Variants in PALLD observed in about 807,000 individuals in gnomAD.
PALLD encodes the protein palladin, cytoskeletal associated protein, also known as palladin.
PALLD carries 61 observed loss-of-function variants against 123.5 expected under a neutral mutation model. That is an observed-to-expected ratio of 0.49 (90% CI 0.40 to 0.61). PALLD has a LOEUF of 0.61. PALLD is among the 20% of genes least tolerant of loss of function. PALLD has a pLI of 0.00. For synonymous variants in PALLD, 465 were observed against 496.4 expected (o/e 0.94, Z 0.84); for missense variants, 1,273 against 1,377.0 (o/e 0.92, Z 1.20).
chr4:168,733,972 T>C (rs929084907), intron 10 of PALLD, among the ~76,000 whole-genome samples: 2 of 152,204 alleles, frequency 1.3e-5, no homozygotes, highest in Admixed American at 6.5e-5. Flanking sequence ...CCTGACCTCG[T>C]GATCTGCCCG....
intron 2 of PALLD, among the ~76,000 whole-genome samples, chr4:168,663,079 C>G (rs1035123661): frequency 1.3e-5 from 2 of 152,238 alleles, no homozygotes; most frequent in African/African-American, 2.4e-5. Flanking sequence ...ACTATTTGTT[C>G]AGTCCTTTCT....
rs1039250303 is a variant in PALLD at position 168,793,129 on chromosome 4, A to G, written c.1964+81206A>G. 3.0e-4 allele frequency among the ~76,000 whole-genome samples: 42 copies of G among 138,386 alleles called. 1 individual carries two copies. The highest frequency in any genetic ancestry group is 2.0e-4 in the Non-Finnish European group (13 of 63,650). The allele number at this position is 138,386 out of a possible 152,430, so 90.8% of individuals were successfully genotyped here. On this transcript the variant is annotated intron_variant, in intron 10 of 21. Coordinates refer to ENST00000505667, the MANE Select transcript of PALLD (RefSeq NM_001166108.2). ...CTACATATTTTATATATGTGTGTGC[A>G]TATATATACATATATATGTGTGCAT... is the stretch of plus-strand genomic sequence containing the variant.
intron 1 of PALLD, 143 bp from the exon 2 acceptor site, chr4:168,511,280 C>T (rs1762507390): frequency 1.8e-6 from 1 of 542,472 alleles, no homozygotes; most frequent in Admixed American, 3.2e-5. Flanking sequence ...CACAAGTATA[C>T]TTGATATTTC....
At chr4:168,693,485 A>G (rs991287157) in intron 8 of PALLD, among the ~76,000 whole-genome samples, 1 of 152,228 alleles carries the variant, frequency 6.6e-6, no homozygotes, top group Non-Finnish European at 1.5e-5. Context: ...AAGATATGGA[A>G]GGCCTTCCTT....
At chr4:168,681,419 C>G (rs1350502789) in intron 4 of PALLD, 21 bp downstream of exon 4, 1 of 1,478,012 alleles carries the variant, frequency 6.8e-7, no homozygotes, top group Non-Finnish European at 9.5e-7. Context: ...ACAATTCCAT[C>G]GATTATGTGG....
chr4:168,915,625 AAT>A (rs1195950161), intron 16 of PALLD, among the ~76,000 whole-genome samples: 5 of 152,196 alleles, frequency 3.3e-5, no homozygotes, highest in Non-Finnish European at 2.9e-5. Flanking sequence ...ATTTAGGAAA[AAT>A]ATGTTAATAT....
At chr4:168,832,765 G>C (rs927715321) in intron 10 of PALLD, 1 of 152,194 alleles carries the variant, frequency 6.6e-6, no homozygotes, top group African/African-American at 2.4e-5. Context: ...AAGTTTGCGC[G>C]TAACTCGGGG....
chr4:168,907,639 T>C (rs1227336293), intron 15 of PALLD, among the ~76,000 whole-genome samples: 1 of 152,132 alleles, frequency 6.6e-6, no homozygotes, highest in East Asian at 1.9e-4. Context: ...TTACTGCCCT[T>C]ATTCCAGGCC....
chr4:168,662,780 T>G (rs1779247382), intron 2 of PALLD, among the ~76,000 whole-genome samples: 1 of 152,232 alleles, frequency 6.6e-6, no homozygotes, highest in Non-Finnish European at 1.5e-5. Flanking sequence ...AATTATGACC[T>G]TTGAGAAACT....
intron 2 of PALLD, among the ~76,000 whole-genome samples, chr4:168,519,904 CTT>C (rs33986145): frequency 0.74 from 111,332 of 150,888 alleles, 41,158 homozygotes; most frequent in East Asian, 0.86. Context: ...CATTTTAAAT[CTT>C]TTTTTTTTTC....
rs78978372 is a variant in PALLD, at chr4:168,730,017, T to C, written c.1964+18094T>C. The stretch of plus-strand genomic sequence containing the variant: ...AGTACTTTGAAATGTTGTGATGATA[T>C]GTAATATTTTTCAGAAATTATAGAA... On this transcript the variant is annotated intron_variant, in intron 10 of 21. Transcript: ENST00000505667. Among the ~76,000 whole-genome samples, 463 of 152,370 alleles carry C rather than the reference T, an allele frequency of 3.0e-3. 1 individual carries two copies. The highest frequency in any genetic ancestry group is 5.3e-3 in the Non-Finnish European group (359 of 68,040).
rs112838948 is a variant in PALLD, at chr4:168,632,336, C to T, written c.909-35854C>T. Among the ~76,000 whole-genome samples, 37 of 152,266 alleles carry T rather than the reference C, an allele frequency of 2.4e-4. 2 individuals carry two copies. The highest frequency in any genetic ancestry group is 7.9e-4 in the African/African-American group (33 of 41,552). On this transcript the variant is annotated intron_variant, in intron 2 of 21. Transcript: ENST00000505667. ...CATCCTCGGTTGAAATAGAAGGAAACTTTCACAAAGCAATCAATTTCTGAC... is the reference window on the plus strand; with the variant it reads ...CATCCTCGGTTGAAATAGAAGGAAATTTTCACAAAGCAATCAATTTCTGAC...
intron 10 of PALLD, among the ~76,000 whole-genome samples, chr4:168,843,293 T>C (rs1352240675): frequency 6.6e-6 from 1 of 152,210 alleles, no homozygotes; most frequent in African/African-American, 2.4e-5. Flanking sequence ...AGAAGAAAGT[T>C]TGGCTTGCAA....
chr4:168,611,776 C>A (rs1255566167), intron 2 of PALLD, among the ~76,000 whole-genome samples: 1 of 152,166 alleles, frequency 6.6e-6, no homozygotes, highest in Non-Finnish European at 1.5e-5. Flanking sequence ...ATGTTTCTCA[C>A]CAGCAGTCTT....
chr4:168,817,574 C>T (rs1561557727), intron 10 of PALLD, among the ~76,000 whole-genome samples: 1 of 152,194 alleles, frequency 6.6e-6, no homozygotes, highest in Non-Finnish European at 1.5e-5. Context: ...CTCCCCAACT[C>T]TCCAGAGTGG....
At chr4:168,883,449 A>G (rs1752906152) in intron 10 of PALLD, among the ~76,000 whole-genome samples, 1 of 152,222 alleles carries the variant, frequency 6.6e-6, no homozygotes, top group South Asian at 2.1e-4. Flanking sequence ...GAAGAGTAGA[A>G]TAAGAGGACT....
At position 168,922,100 on chromosome 4, in the gene PALLD, T is replaced by TACAC. The variant is rs1257662371; in HGVS notation, c.3058+360_3058+361insCACA. On this transcript the variant is annotated intron_variant, in intron 18 of 21. Transcript: ENST00000505667. ...AGTTTTATATTTATATATATATATA[T>TACAC]ATACACACACACACACACACACACA... is the stretch of plus-strand genomic sequence containing the variant. Among the ~76,000 whole-genome samples the TACAC allele has an allele frequency of 9.5e-3, 920 of 96,564 alleles. 5 individuals are homozygous for TACAC. Among genetic ancestry groups the TACAC allele is most frequent in the Middle Eastern group, 0.026 (5 of 192 alleles). The allele number at this position is 96,564 out of a possible 152,430, so 63.3% of individuals were successfully genotyped here. A position where few individuals can be genotyped will look rare whatever the true frequency, so the allele number is the denominator to read the frequency against.
intron 10 of PALLD, among the ~76,000 whole-genome samples, chr4:168,733,106 T>C (rs1482098217): frequency 1.3e-5 from 2 of 152,214 alleles, no homozygotes; most frequent in Admixed American, 1.3e-4. Context: ...TTTTAATACA[T>C]ATATAATGTG....
intron 10 of PALLD, among the ~76,000 whole-genome samples, chr4:168,815,849 C>G (rs185258123): frequency 6.6e-6 from 1 of 152,296 alleles, no homozygotes; most frequent in Admixed American, 6.5e-5. Flanking sequence ...AATTCTTTTT[C>G]AGAACAAGTA....
Sources: allele counts gnomAD v4.1 joint callset (sites outside exome capture counted in the v4.1 genomes callset), GRCh38; gene constraint gnomAD v4.1.1; transcripts MANE v1.5; gene names NCBI Gene and HGNC (gene_info 2026-07-23, HGNC 2026-07-21).